SUN2: variants seen among roughly 807,000 people sequenced by gnomAD.
The protein encoded by SUN2 is Sad1 and UNC84 domain containing 2, also known as SUN domain-containing protein 2.
A neutral mutation model predicts 100.0 loss-of-function variants in SUN2; 60 were observed. The ratio of observed to expected loss-of-function variants is 0.60; its 90% CI spans 0.49 to 0.74. The LOEUF is 0.74. Ranked by LOEUF, SUN2 falls within the 30% of genes least tolerant of loss-of-function variation. The pLI is 0.00. For missense variants in SUN2, 834 were observed against 954.6 expected, an observed-to-expected ratio of 0.87 and a Z score of 1.66; for synonymous variants, 367 against 403.3, an observed-to-expected ratio of 0.91 and a Z score of 1.08.
At position 38,738,517 on chromosome 22, in the gene SUN2, G is replaced by T. The variant is rs2092826791; in HGVS notation, c.1947+70C>A. 1 of 1,560,650 alleles carries T rather than the reference G, an allele frequency of 6.4e-7. No homozygotes were observed. Among genetic ancestry groups the T allele is most frequent in the Admixed American group, 1.8e-5 (1 of 56,368 alleles). On this transcript the variant is annotated intron_variant, in intron 16 of 17. Coordinates refer to ENST00000689035, the MANE Select transcript of SUN2 (RefSeq NM_015374.3). This position sits in a 1 kb window ranked among gnomAD's most constrained non-coding sequence, Gnocchi z 6.6. ...TCCAGTCCAAGGGTGACCCTGACTTGATCCTCAGTAGAGAGGCCCACAGGA... is the reference window on the plus strand; with the variant it reads ...TCCAGTCCAAGGGTGACCCTGACTTTATCCTCAGTAGAGAGGCCCACAGGA...
rs745689048 is a variant in SUN2 at position 38,736,018 on chromosome 22, C to T, written c.*249G>A. ...TCCCCCATGATATGCTACATATATACACACTCCCAGGATGGGAAGCAGACG... is the reference window on the plus strand; with the variant it reads ...TCCCCCATGATATGCTACATATATATACACTCCCAGGATGGGAAGCAGACG... On this transcript the variant is annotated 3_prime_UTR_variant, in exon 18 of 18. Coordinates refer to ENST00000689035, the MANE Select transcript of SUN2 (RefSeq NM_015374.3). 1.4e-4 allele frequency: 72 copies of T among 523,086 alleles called. No individual in the cohort carries two copies. The highest frequency in any genetic ancestry group is 2.2e-4 in the Non-Finnish European group (62 of 279,014). 32.4% of individuals were successfully genotyped at this position (523,086 alleles called of 1,614,324 possible). A position where few individuals can be genotyped will look rare whatever the true frequency, so the allele number is the denominator to read the frequency against.
Position 38,751,017 on chromosome 22 carries a change from C to T in SUN2, c.305G>A (p.Arg102Gln), listed in dbSNP as rs373600095. 90 of 1,613,178 alleles carry T rather than the reference C, an allele frequency of 5.6e-5. No homozygotes were observed. The highest frequency in any genetic ancestry group is 6.9e-5 in the Non-Finnish European group (81 of 1,179,732). Reference protein sequence around the residue: ...DANWGEDLRVRRRRGTGGSES... With the variant: ...DANWGEDLRVQRRRGTGGSES... ...TGAGCCACCCGTGCCTCTCCTCCTC[C>T]GCACCCGCAGGTCCTCACCTGTGCA... The change falls in exon 4 of 18, where the codon CGG becomes CAG. Residue 102 changes from arginine to glutamine, a missense_variant. Physicochemically the swap from Arg to Gln is conservative, Grantham distance 43. This residue lies in a region of SUN2 where 559 missense variants were observed against 597.7 expected (regional missense o/e 0.94). Coordinates refer to ENST00000689035, the MANE Select transcript of SUN2 (RefSeq NM_015374.3).
Position 38,751,277 on chromosome 22 carries a change from C to T in SUN2, c.219G>A (p.Ser73=), listed in dbSNP as rs761622681. 17 of 1,614,158 alleles carry T rather than the reference C, an allele frequency of 1.1e-5. No homozygotes were observed. The highest frequency in any genetic ancestry group is 4.5e-5 in the East Asian group (2 of 44,888). The change falls in exon 3 of 18, where the codon TCG becomes TCA. Residue 73 remains serine (S), a synonymous_variant. Coordinates refer to ENST00000689035, the MANE Select transcript of SUN2 (RefSeq NM_015374.3). ...SDAHTSYYSE[S]LVHESWFPPR... ...GTGGGAACCAGGACTCGTGGACCAGCGACTCACTGTAGTAGGAGGTGTGTG... is the reference window on the plus strand; with the variant it reads ...GTGGGAACCAGGACTCGTGGACCAGTGACTCACTGTAGTAGGAGGTGTGTG...
chr22:38,737,639 C>G lies in SUN2; in HGVS notation c.2040+534G>C. On this transcript the variant is annotated intron_variant, in intron 17 of 17. Coordinates refer to ENST00000689035, the MANE Select transcript of SUN2 (RefSeq NM_015374.3). The surrounding 1 kb of genome is among the most constrained non-coding windows in gnomAD (Gnocchi z 4.1). Reference sequence around the variant, plus strand: ...ACTATCCCGCCAACCCAATTCCTCACTCCAGGACTCCCCCGGTGTGGGGCT... The same window carrying G: ...ACTATCCCGCCAACCCAATTCCTCAGTCCAGGACTCCCCCGGTGTGGGGCT... The G allele has an allele frequency of 2.9e-6, 1 of 341,208 alleles. No individual in the cohort carries two copies. The highest frequency in any genetic ancestry group is 5.8e-6 in the Non-Finnish European group (1 of 173,102). The allele number at this position is 341,208 out of a possible 1,614,324, so 21.1% of individuals were successfully genotyped here. A position where few individuals can be genotyped will look rare whatever the true frequency, so the allele number is the denominator to read the frequency against.
rs1032306904 is a variant in SUN2 at position 38,749,853 on chromosome 22, A to G, written c.527T>C (p.Leu176Pro). Residue 176 changes from leucine (L) to proline (P), a missense_variant, in exon 6 of 18, where the codon CTC becomes CCC. Coordinates refer to ENST00000689035, the MANE Select transcript of SUN2 (RefSeq NM_015374.3). ...AGCCCACCAGTAGAGAAGTCTGAAG[A>G]GCCGGCCTGGAAGAATGACCATCAA... ...LWMVATSPGR[L>P]FRLLYWWAGT... 6.2e-7 allele frequency: 1 copy of G among 1,613,100 alleles called. No individual in the cohort carries two copies. The highest frequency in any genetic ancestry group is 1.3e-5 in the African/African-American group (1 of 74,896).
In SUN2 at chr22:38,755,718, C is replaced by G; in HGVS notation, c.-38+45G>C. 2.0e-6 allele frequency: 2 copies of G among 984,994 alleles called. No individual in the cohort carries two copies. The highest frequency in any genetic ancestry group is 2.4e-6 in the Non-Finnish European group (2 of 829,756). 61.0% of individuals were successfully genotyped at this position (984,994 alleles called of 1,614,324 possible). On this transcript the variant is annotated intron_variant, in intron 1 of 17. Coordinates refer to ENST00000689035, the MANE Select transcript of SUN2 (RefSeq NM_015374.3). The surrounding 1 kb of genome is among the most constrained non-coding windows in gnomAD (Gnocchi z 5.7). The stretch of plus-strand genomic sequence containing the variant: ...GCCCGACGGTGACCCGGGGTCAGGC[C>G]GGGCCGCGGCCCCCCAACCCTCTCC...
chr22:38,735,929 T>C lies in SUN2; in HGVS notation c.*338A>G, dbSNP rs538202164. 70 of 221,152 alleles carry C rather than the reference T, an allele frequency of 3.2e-4. 2 individuals carry two copies. Among genetic ancestry groups the C allele is most frequent in the African/African-American group, 1.5e-3 (65 of 42,984 alleles). 13.7% of individuals were successfully genotyped at this position (221,152 alleles called of 1,614,324 possible). ...CAGCCCTGGCACCTGCTTCATCAGC[T>C]CCCAGGCACCAGCCCCTGACCCCAG... On this transcript the variant is annotated 3_prime_UTR_variant, in exon 18 of 18. Transcript: ENST00000689035.
Position 38,739,724 on chromosome 22 carries a change from CCT to C in SUN2, c.1574_1575del (p.Glu525GlyfsTer16). On this transcript the variant is annotated frameshift_variant, in exon 13 of 18. Transcript: ENST00000689035. LOFTEE classifies it high-confidence loss of function. The surrounding 1 kb of genome is among the most constrained non-coding windows in gnomAD (Gnocchi z 6.7). ...LQKEGVIGVT[E>X]EQVHHIVKQA... ...GGAGAGGGGCATGTGGGCCTCACCT[CCT>C]CTGTCACTCCAATCACACCTTCTTT... 1.2e-6 allele frequency: 2 copies of C among 1,613,364 alleles called. No individual in the cohort carries two copies. The highest frequency in any genetic ancestry group is 1.7e-6 in the Non-Finnish European group (2 of 1,179,854).
At chr22:38,746,197 G>A (rs1569301404) in intron 7 of SUN2, among the ~76,000 whole-genome samples, 1 of 152,210 alleles carries the variant, frequency 6.6e-6, no homozygotes, top group Non-Finnish European at 1.5e-5. Flanking sequence ...CCTGCCCTCT[G>A]GAGAGCAAGC....
Position 38,740,690 on chromosome 22 carries a change from C to T in SUN2, c.1191-258G>A, listed in dbSNP as rs1443612613. The T allele has an allele frequency of 1.0e-5, 6 of 572,866 alleles. No homozygotes were observed. The highest frequency in any genetic ancestry group is 1.9e-5 in the Non-Finnish European group (6 of 322,612). 35.5% of individuals were successfully genotyped at this position (572,866 alleles called of 1,614,324 possible). Reference sequence around the variant, plus strand: ...TGTACTCTGCCTCAGCCTCTCACATCCTCCACAAGCATGGACATCTGGGGC... The same window carrying T: ...TGTACTCTGCCTCAGCCTCTCACATTCTCCACAAGCATGGACATCTGGGGC... On this transcript the variant is annotated intron_variant, in intron 11 of 17. Transcript: ENST00000689035. The surrounding 1 kb of genome is among the most constrained non-coding windows in gnomAD (Gnocchi z 4.8).
At chr22:38,741,713 A>C in intron 9 of SUN2, 142 bp from the exon 10 acceptor site, 1 of 713,476 alleles carries the variant, frequency 1.4e-6, no homozygotes, top group Non-Finnish European at 2.4e-6. Context: ...GAACCACGCA[A>C]GACTCCCGCT....
At chr22:38,741,451 T>C (rs2092856757) in intron 10 of SUN2, 43 bp downstream of exon 10, 10 of 1,594,572 alleles carry the variant, frequency 6.3e-6, no homozygotes, top group Non-Finnish European at 8.6e-6. Flanking sequence ...TTGGATGGGG[T>C]CAGGACCCAG....
At chr22:38,752,000 G>A (rs900383896) in intron 2 of SUN2, among the ~76,000 whole-genome samples, 1 of 152,144 alleles carries the variant, frequency 6.6e-6, no homozygotes, top group Non-Finnish European at 1.5e-5. Context: ...TTGAGATGGA[G>A]TTTCACTCTT....
chr22:38,750,122 T>C, intron 5 of SUN2, 103 bp downstream of exon 5: 1 of 1,509,262 alleles, frequency 6.6e-7, no homozygotes, highest in Non-Finnish European at 9.0e-7. Context: ...TCCCCAATGG[T>C]CCTACAGTCT....
chr22:38,741,597 G>A (rs1445198396), intron 9 of SUN2, 26 bp from the exon 10 acceptor site: 1 of 1,608,746 alleles, frequency 6.2e-7, no homozygotes, highest in Admixed American at 1.7e-5. Context: ...GAGAGGACAG[G>A]TTGGACAGAG....
Position 38,755,890 on chromosome 22 carries a change from C to T in SUN2, c.-165G>A, listed in dbSNP as rs1233032169. 2 of 982,176 alleles carry T rather than the reference C, an allele frequency of 2.0e-6. No homozygotes were observed. The highest frequency in any genetic ancestry group is 1.2e-6 in the Non-Finnish European group (1 of 828,668). 60.8% of individuals were successfully genotyped at this position (982,176 alleles called of 1,614,324 possible). A position where few individuals can be genotyped will look rare whatever the true frequency, so the allele number is the denominator to read the frequency against. On this transcript the variant is annotated 5_prime_UTR_variant, in exon 1 of 18. Transcript: ENST00000689035. This position sits in a 1 kb window ranked among gnomAD's most constrained non-coding sequence, Gnocchi z 5.7. Reference sequence around the variant, plus strand: ...CTCAGGGCGACACAGCGGCCGGGCCCGGGGCGCGCGGGCACGCGAAGAGCG... The same window carrying T: ...CTCAGGGCGACACAGCGGCCGGGCCTGGGGCGCGCGGGCACGCGAAGAGCG...
Position 38,738,910 on chromosome 22 carries a change from A to G in SUN2, c.1742T>C (p.Leu581Pro), listed in dbSNP as rs1314363323. 6.2e-7 allele frequency: 1 copy of G among 1,611,758 alleles called. No homozygotes were observed. Among genetic ancestry groups the G allele is most frequent in the Admixed American group, 1.7e-5 (1 of 59,838 alleles). The change falls in exon 15 of 18, where the codon CTG becomes CCG. Residue 581 changes from leucine (L) to proline (P), a missense_variant. Physicochemically the swap from Leu to Pro is moderately conservative, Grantham distance 98. This residue lies in a region of SUN2 where 195 missense variants were observed against 280.2 expected (regional missense o/e 0.70). Coordinates refer to ENST00000689035, the MANE Select transcript of SUN2 (RefSeq NM_015374.3). The surrounding 1 kb of genome is among the most constrained non-coding windows in gnomAD (Gnocchi z 6.6). ...TCGGGGTGACTGGGAGTGGTACCACAGGGGGATGCCGAAGAGGCTGAGGAG... is the reference window on the plus strand; with the variant it reads ...TCGGGGTGACTGGGAGTGGTACCACGGGGGGATGCCGAAGAGGCTGAGGAG... ...TALLSLFGIP[L>P]WYHSQSPRVI...
chr22:38,742,638 C>T, intron 8 of SUN2, 83 bp from the exon 9 acceptor site: 1 of 1,489,780 alleles, frequency 6.7e-7, no homozygotes, highest in East Asian at 2.3e-5. Flanking sequence ...ACAGCCAACA[C>T]AGAAAGAAAG....
In SUN2 at chr22:38,755,620, G is replaced by A. The variant is rs1166552181; in HGVS notation, c.-38+143C>T. 4.2e-6 allele frequency: 4 copies of A among 945,160 alleles called. No homozygotes were observed. In the African/African-American group the frequency reaches 7.1e-5, roughly 17 times the overall value. 58.5% of individuals were successfully genotyped at this position (945,160 alleles called of 1,614,324 possible). A position where few individuals can be genotyped will look rare whatever the true frequency, so the allele number is the denominator to read the frequency against. ...GTCAGGGCGCGGGCCGCGGACCCGG[G>A]TGGAGGCTGGATCCGGCCCAGCACG... On this transcript the variant is annotated intron_variant, in intron 1 of 17. Transcript: ENST00000689035. This position sits in a 1 kb window ranked among gnomAD's most constrained non-coding sequence, Gnocchi z 5.7.
Sources: gnomAD v4.1 joint callset for allele counts (sites outside exome capture counted in the v4.1 genomes callset) on GRCh38, gnomAD v4.1.1 for gene constraint, gnomAD v4.1.1 regional missense constraint, Gnocchi (gnomAD v3.1) non-coding constraint, MANE v1.5 for transcripts, NCBI Gene and HGNC (gene_info 2026-07-23, HGNC 2026-07-21) for gene names.